The following PPL variants were observed in gnomAD, a reference collection of about 807,000 sequenced individuals.
The protein encoded by PPL is periplakin, also known as 190 kDa paraneoplastic pemphigus antigen.
Under a neutral mutation model 194.4 loss-of-function variants are expected in PPL, and 198 were observed. The observed-to-expected ratio is 1.02, with a 90% CI of 0.91 to 1.15. PPL has a LOEUF of 1.15. Among genes scored for constraint, PPL ranks in the 50% most tolerant of loss-of-function variants. PPL has a pLI of 0.00. For synonymous variants in PPL, 1,220 were observed against 972.4 expected, an observed-to-expected ratio of 1.25 and a Z score of -4.74; for missense variants, 2,885 against 2,294.8, an observed-to-expected ratio of 1.26 and a Z score of -5.25.
chr16:4,920,588 G>C (rs566724795), intron 1 of PPL, among the ~76,000 whole-genome samples: 1 of 152,066 alleles, frequency 6.6e-6, no homozygotes, highest in African/African-American at 2.4e-5. Context: ...TCAGCCTCCC[G>C]AGTAGCTGGG....
chr16:4,912,899 T>TTTGAGACCAGCCTGGCCA (rs2088846902), intron 1 of PPL, among the ~76,000 whole-genome samples: 1 of 151,870 alleles, frequency 6.6e-6, no homozygotes, highest in Non-Finnish European at 1.5e-5. Context: ...AGATCAGGAG[T>TTTGAGACCAGCCTGGCCA]TTGAGACCAG....
chr16:4,912,377 G>C (rs2088835933), intron 1 of PPL, among the ~76,000 whole-genome samples: 1 of 152,224 alleles, frequency 6.6e-6, no homozygotes, highest in Admixed American at 6.5e-5. Context: ...GCATCTATTA[G>C]AACTTCATTC....
chr16:4,903,527 C>G (rs1366558574), intron 3 of PPL, among the ~76,000 whole-genome samples: 1 of 152,066 alleles, frequency 6.6e-6, no homozygotes, highest in Non-Finnish European at 1.5e-5. Flanking sequence ...TGAGACCAGC[C>G]TGGCCAACAT....
chr16:4,899,669 G>A (rs1017487827), intron 6 of PPL, among the ~76,000 whole-genome samples: 1 of 137,952 alleles, frequency 7.2e-6, no homozygotes, highest in African/African-American at 2.5e-5. Flanking sequence ...TACAGCAAAC[G>A]AAACACACAA....
chr16:4,910,807 C>T, intron 2 of PPL, 43 bp downstream of exon 2: 5 of 1,524,866 alleles, frequency 3.3e-6, no homozygotes, highest in South Asian at 1.1e-5. Context: ...ACAGGGCTGG[C>T]AGCACGGGGC....
chr16:4,900,319 C>T (rs1216446995), intron 6 of PPL, among the ~76,000 whole-genome samples: 1 of 151,884 alleles, frequency 6.6e-6, no homozygotes, highest in Non-Finnish European at 1.5e-5. Flanking sequence ...ACCCCTGGGG[C>T]CTGTTAGGGT....
intron 6 of PPL, among the ~76,000 whole-genome samples, chr16:4,900,434 C>CCTTTTTTTTTT (rs1457527716): frequency 1.6e-5 from 1 of 61,678 alleles, no homozygotes; most frequent in African/African-American, 5.5e-5. Flanking sequence ...TACTGCACGC[C>CCTTTTTTTTTT]TTTTTTTTTT....
rs767802740 is a variant in PPL at position 4,884,133 on chromosome 16, C to A, written c.4522G>T (p.Glu1508Ter). The change falls in exon 22 of 22, where the codon GAG (glutamate) becomes TAG (stop). Residue 1508 changes from glutamate to a stop codon, truncating the protein, a stop_gained. Coordinates refer to ENST00000345988, the MANE Select transcript of PPL (RefSeq NM_002705.5). LOFTEE classifies it high-confidence loss of function. This position sits in a 1 kb window ranked among gnomAD's most constrained non-coding sequence, Gnocchi z 5.7. ...ATCTCTTGCTCGGTGTCGCCCTTCT[C>A]CACCTGGACACTCTCGGAGAGCACC... ...KVVLSESVQVEKGDTEQEIQR... is the reference protein window; with the variant it reads ...KVVLSESVQV 6.2e-7 allele frequency: 1 copy of A among 1,613,598 alleles called. No individual in the cohort carries two copies. The highest frequency in any genetic ancestry group is 1.3e-5 in the African/African-American group (1 of 74,918).
At chr16:4,914,807 A>T (rs1028960558) in intron 1 of PPL, among the ~76,000 whole-genome samples, 2 of 152,058 alleles carry the variant, frequency 1.3e-5, no homozygotes, top group African/African-American at 4.8e-5. Context: ...AGAAGGGATA[A>T]GGTGGGCTTC....
Position 4,883,334 on chromosome 16 carries a change from C to T in PPL, c.*50G>A, listed in dbSNP as rs368268972. ...GACGACACCAAGGAGGTCACTGCGT[C>T]GTAGGAGAGGGCCAGCGTCTGCCGT... On this transcript the variant is annotated 3_prime_UTR_variant, in exon 22 of 22. Coordinates refer to ENST00000345988, the MANE Select transcript of PPL (RefSeq NM_002705.5). This position sits in a 1 kb window ranked among gnomAD's most constrained non-coding sequence, Gnocchi z 4.8. 28 of 1,607,798 alleles carry T rather than the reference C, an allele frequency of 1.7e-5. No individual in the cohort carries two copies. The highest frequency in any genetic ancestry group is 6.7e-5 in the East Asian group (3 of 44,874).
intron 1 of PPL, among the ~76,000 whole-genome samples, chr16:4,913,499 G>C (rs896572344): frequency 6.6e-6 from 1 of 152,212 alleles, no homozygotes; most frequent in Admixed American, 6.5e-5. Context: ...ACAAAGGTTT[G>C]TGATTTTAGT....
chr16:4,884,064 G>A lies in PPL; in HGVS notation c.4591C>T (p.Arg1531Cys), dbSNP rs547974158. 2.5e-6 allele frequency: 4 copies of A among 1,612,964 alleles called. No homozygotes were observed. Among genetic ancestry groups the A allele is most frequent in the Non-Finnish European group, 3.4e-6 (4 of 1,179,998 alleles). Residue 1531 changes from arginine to cysteine, a missense_variant, in exon 22 of 22, where the codon CGC (arginine) becomes TGC (cysteine). Physicochemically the swap from Arg to Cys is radical, Grantham distance 180 (BLOSUM62 -3). Transcript: ENST00000345988. This position sits in a 1 kb window ranked among gnomAD's most constrained non-coding sequence, Gnocchi z 5.7. ...CGGCTCACCTCGACGTCCAGCTCGC[G>A]CTTGCTGCGGCTCTCCTCCTCCAGG... is the stretch of plus-strand genomic sequence containing the variant. ...SSLEEESRSK[R>C]ELDVEVSRLE... is the part of the protein sequence containing the mutation.
chr16:4,909,163 G>A (rs1352517202), intron 2 of PPL, among the ~76,000 whole-genome samples: 3 of 152,072 alleles, frequency 2.0e-5, no homozygotes, highest in African/African-American at 7.2e-5. Context: ...GCCCCTGCAG[G>A]GGATAGCTGG....
intron 1 of PPL, among the ~76,000 whole-genome samples, chr16:4,913,760 ACCCAGTTAGCCAGCGATGATAGCT>A (rs2088864158): frequency 6.6e-6 from 1 of 152,132 alleles, no homozygotes; most frequent in Non-Finnish European, 1.5e-5. Flanking sequence ...GGCCATTGTC[ACCCAGTTAGCCAGCGATGATAGCT>A]CCCCTGTCTC....
chr16:4,928,564 TG>T (rs2089188437), intron 1 of PPL, among the ~76,000 whole-genome samples: 3 of 152,264 alleles, frequency 2.0e-5, no homozygotes, highest in Admixed American at 2.0e-4. Flanking sequence ...CCCCACTGCC[TG>T]GGCTAGGATT....
chr16:4,892,993 G>A (rs948806696), intron 14 of PPL: 12 of 548,774 alleles, frequency 2.2e-5, no homozygotes, highest in Middle Eastern at 4.9e-4. Flanking sequence ...AAGCCGTGCA[G>A]GAACAATGCA....
In PPL at chr16:4,884,434, C is replaced by T; in HGVS notation, c.4221G>A (p.Glu1407=). The T allele has an allele frequency of 1.2e-6, 2 of 1,603,066 alleles. No individual in the cohort carries two copies. The highest frequency in any genetic ancestry group is 2.2e-5 in the South Asian group (2 of 90,654). The change falls in exon 22 of 22, where the codon GAG becomes GAA. Residue 1407 remains glutamate (E), a synonymous_variant. Transcript: ENST00000345988. The surrounding 1 kb of genome is among the most constrained non-coding windows in gnomAD (Gnocchi z 5.7). The stretch of plus-strand genomic sequence containing the variant: ...CCTCCCTGCGGGCCTGCCGCTCGCG[C>T]TCTAGCTCCTCCAGCTGCCGCTCAA... ...TELERQLEEL[E]RERQARREAE... is the part of the protein sequence containing the mutation.
At chr16:4,890,018 A>G (rs1781396251) in intron 18 of PPL, among the ~76,000 whole-genome samples, 166 bp downstream of exon 18, 1 of 152,336 alleles carries the variant, frequency 6.6e-6, no homozygotes, top group Non-Finnish European at 1.5e-5. Flanking sequence ...TTGTTCTCAG[A>G]GGGTTGGGTG....
chr16:4,892,229 C>T lies in PPL; in HGVS notation c.1651-16G>A, dbSNP rs1454768609. On this transcript the variant is annotated splice_polypyrimidine_tract_variant and intron_variant, in intron 14 of 21. Coordinates refer to ENST00000345988, the MANE Select transcript of PPL (RefSeq NM_002705.5). The stretch of plus-strand genomic sequence containing the variant: ...TGGTGATGTTCTGTGGGAACCAGGG[C>T]CCCTCAGTTTTGGACACAGCCAGGC... 12 of 1,603,086 alleles carry T rather than the reference C, an allele frequency of 7.5e-6. No homozygotes were observed. Among genetic ancestry groups the T allele is most frequent in the Non-Finnish European group, 1.0e-5 (12 of 1,171,968 alleles).
Sources: allele counts gnomAD v4.1 joint callset (sites outside exome capture counted in the v4.1 genomes callset), GRCh38; gene constraint gnomAD v4.1.1; non-coding constraint Gnocchi (gnomAD v3.1); transcripts MANE v1.5; gene names NCBI Gene and HGNC (gene_info 2026-07-23, HGNC 2026-07-21).